Variants in PLCD4 observed in about 807,000 individuals in gnomAD.
PLCD4 encodes the protein phospholipase C delta 4, also known as 1-phosphatidylinositol 4,5-bisphosphate phosphodiesterase delta-4.
Under a neutral mutation model 90.2 loss-of-function variants are expected in PLCD4, and 63 were observed. The observed-to-expected ratio is 0.70, with a 90% CI of 0.57 to 0.86. The LOEUF (loss-of-function observed/expected upper bound fraction) is 0.86. Among genes scored for constraint, PLCD4 ranks in the 40% least tolerant of loss-of-function variants. The pLI is 0.00. For missense variants in PLCD4, 830 were observed against 956.3 expected (o/e 0.87, Z 1.74); for synonymous variants, 294 against 356.5 (o/e 0.82, Z 1.97).
chr2:218,623,776 G>A (rs931905809), intron 6 of PLCD4, among the ~76,000 whole-genome samples: 36 of 152,090 alleles, frequency 2.4e-4, no homozygotes, highest in Admixed American at 4.6e-4. Context: ...TCTGCCTCCC[G>A]GGTTCAAGCA....
chr2:218,619,965 C>G (rs1170316854), intron 4 of PLCD4, among the ~76,000 whole-genome samples: 3 of 152,136 alleles, frequency 2.0e-5, no homozygotes. Context: ...GCAGCCGTGA[C>G]AGCCTGGGCT....
rs756232616 is a variant in PLCD4, at chr2:218,633,910, G to C, written c.1606+149G>C. ...CTCCTTAGAGCAGACAAGGGCAGAG[G>C]AGTTATGAATAGTGGCTCAAGGGTC... On this transcript the variant is annotated intron_variant, in intron 11 of 15. Coordinates refer to ENST00000450993, the MANE Select transcript of PLCD4 (RefSeq NM_032726.4). 4.0e-5 allele frequency: 49 copies of C among 1,213,758 alleles called. No individual in the cohort carries two copies. In the African/African-American group the frequency reaches 6.5e-4, roughly 16 times the overall value. The allele number at this position is 1,213,758 out of a possible 1,614,324, so 75.2% of individuals were successfully genotyped here. A position where few individuals can be genotyped will look rare whatever the true frequency, so the allele number is the denominator to read the frequency against.
chr2:218,633,555 C>G, intron 10 of PLCD4, 50 bp from the exon 11 acceptor site: 2 of 1,585,178 alleles, frequency 1.3e-6, no homozygotes, highest in African/African-American at 1.3e-5. Context: ...ATCTTCTTCT[C>G]TCTCAGACTG....
intron 1 of PLCD4, among the ~76,000 whole-genome samples, chr2:218,612,522 A>C (rs1223594108): frequency 1.3e-5 from 2 of 152,218 alleles, no homozygotes; most frequent in African/African-American, 4.8e-5. Context: ...CGCCTGTAAC[A>C]GCACTTGGAG....
intron 6 of PLCD4, among the ~76,000 whole-genome samples, chr2:218,627,589 T>C (rs1253263631): frequency 4.6e-5 from 7 of 152,122 alleles, no homozygotes; most frequent in Non-Finnish European, 2.9e-5. Context: ...CTGGGCTCAC[T>C]GCAAGCTCTG....
chr2:218,614,741 G>A (rs887307972), intron 1 of PLCD4, among the ~76,000 whole-genome samples: 7 of 151,752 alleles, frequency 4.6e-5, no homozygotes, highest in Non-Finnish European at 8.8e-5. Context: ...GTGAGCCACC[G>A]CACCCAGCCA....
Position 218,621,541 on chromosome 2 carries a change from G to A in PLCD4, c.482G>A (p.Arg161Gln), listed in dbSNP as rs754714559. 66 of 1,613,850 alleles carry A rather than the reference G, an allele frequency of 4.1e-5. 2 individuals are homozygous for A. The highest frequency in any genetic ancestry group is 3.7e-4 in the South Asian group (34 of 91,086). Reference protein sequence around the residue: ...DGKMSFQEVQRLLHLMNVEMD... With the variant: ...DGKMSFQEVQQLLHLMNVEMD... Reference sequence around the variant, plus strand: ...AAGATGAGTTTCCAAGAAGTTCAGCGGTTATTGCACCTAATGAATGTGGAA... The same window carrying A: ...AAGATGAGTTTCCAAGAAGTTCAGCAGTTATTGCACCTAATGAATGTGGAA... Residue 161 changes from arginine (R) to glutamine (Q), a missense_variant, in exon 5 of 16, where the codon CGG becomes CAG. Arg to Gln is a conservative substitution (Grantham distance 43, BLOSUM62 1). Coordinates refer to ENST00000450993, the MANE Select transcript of PLCD4 (RefSeq NM_032726.4).
Position 218,622,799 on chromosome 2 carries a change from C to T in PLCD4, c.693C>T (p.Leu231=), listed in dbSNP as rs1695945311. 1.9e-6 allele frequency: 3 copies of T among 1,613,944 alleles called. No homozygotes were observed. Among genetic ancestry groups the T allele is most frequent in the Non-Finnish European group, 2.5e-6 (3 of 1,179,880 alleles). The change falls in exon 6 of 16, where the codon CTC becomes CTT. Residue 231 remains leucine (L), a synonymous_variant. Coordinates refer to ENST00000450993, the MANE Select transcript of PLCD4 (RefSeq NM_032726.4). ...KLTLLEFLDF[L]QEEQKERDCT... ...CTCTGCTGGAATTTTTGGATTTCCT[C>T]CAAGAGGAGCAGAAGGAGAGAGACT...
At chr2:218,629,146 G>A (rs1179541951) in intron 7 of PLCD4, 1 of 168,096 alleles carries the variant, frequency 5.9e-6, no homozygotes, top group African/African-American at 2.4e-5. Context: ...AGCCTGAGAG[G>A]TCAAGGCTGC....
chr2:218,614,080 C>T (rs930334204), intron 1 of PLCD4, among the ~76,000 whole-genome samples: 2 of 149,814 alleles, frequency 1.3e-5, no homozygotes, highest in Non-Finnish European at 3.0e-5. Flanking sequence ...AGTGCAATGG[C>T]GTAATCTCGG....
In PLCD4 at chr2:218,634,165, GGACA is replaced by G; in HGVS notation, c.1671_1674del (p.Asp558LeufsTer19). 1 of 1,612,794 alleles carries G rather than the reference GGACA, an allele frequency of 6.2e-7. No individual in the cohort carries two copies. Among genetic ancestry groups the G allele is most frequent in the Non-Finnish European group, 8.5e-7 (1 of 1,179,420 alleles). On this transcript the variant is annotated frameshift_variant, in exon 12 of 16. Transcript: ENST00000450993. LOFTEE classifies it high-confidence loss of function. This position sits in a 1 kb window ranked among gnomAD's most constrained non-coding sequence, Gnocchi z 4.0. The stretch of plus-strand genomic sequence containing the variant: ...AGCCGTGTGTATCCCAGCGGCCTGA[GGACA>G]GACTCTTCCAACTACAACCCCCAGG...
intron 5 of PLCD4, chr2:218,622,409 G>A (rs768411577): frequency 2.1e-4 from 73 of 349,124 alleles, no homozygotes; most frequent in African/African-American, 3.4e-4. Context: ...ATGGAAGCAT[G>A]TTTGGATCTA....
At chr2:218,616,424 G>C (rs1296420923) in intron 3 of PLCD4, among the ~76,000 whole-genome samples, 1 of 152,096 alleles carries the variant, frequency 6.6e-6, no homozygotes, top group East Asian at 1.9e-4. Context: ...AAGTAGTTAA[G>C]CTATGGCTGG....
intron 6 of PLCD4, among the ~76,000 whole-genome samples, chr2:218,627,243 G>A (rs1018149235): frequency 9.9e-5 from 15 of 151,348 alleles, no homozygotes; most frequent in Middle Eastern, 3.4e-3. Context: ...CCTGGGAGAC[G>A]GAGTGAGACT....
At chr2:218,624,837 G>A (rs909051504) in intron 6 of PLCD4, among the ~76,000 whole-genome samples, 10 of 151,932 alleles carry the variant, frequency 6.6e-5, no homozygotes, top group Admixed American at 1.3e-4. Flanking sequence ...TAGGCCGGGC[G>A]CTGTGGCTCA....
Position 218,622,264 on chromosome 2 carries a change from A to C in PLCD4, c.541-383A>C, listed in dbSNP as rs754428540. 25 of 158,824 alleles carry C rather than the reference A, an allele frequency of 1.6e-4. 1 individual carries two copies. Among genetic ancestry groups the C allele is most frequent in the Middle Eastern group, 3.2e-3 (1 of 308 alleles). The allele number at this position is 158,824 out of a possible 1,614,324, so 9.8% of individuals were successfully genotyped here. A position where few individuals can be genotyped will look rare whatever the true frequency, so the allele number is the denominator to read the frequency against. ...AGGAGGAGGGATCTTCTGACATTTT[A>C]GGGGCCTTTGGGAGATTTAATTCTT... is the stretch of plus-strand genomic sequence containing the variant. On this transcript the variant is annotated intron_variant, in intron 5 of 15. Transcript: ENST00000450993.
chr2:218,631,780 AGACTCC>A (rs1696383227), intron 9 of PLCD4, among the ~76,000 whole-genome samples: 1 of 150,616 alleles, frequency 6.6e-6, no homozygotes, highest in Non-Finnish European at 1.5e-5. Flanking sequence ...CGACAGTGCG[AGACTCC>A]GTCTCAAAAA....
At chr2:218,629,686 A>G in intron 8 of PLCD4, 23 bp downstream of exon 8, 6 of 1,607,856 alleles carry the variant, frequency 3.7e-6, no homozygotes, top group Non-Finnish European at 5.1e-6. Context: ...GGATGGGGAC[A>G]CTGGTGAGGC....
At chr2:218,608,234 C>T (rs111274966) in intron 1 of PLCD4, among the ~76,000 whole-genome samples, 164 bp downstream of exon 1, 1,952 of 152,306 alleles carry the variant, frequency 0.013, 48 homozygotes, top group African/African-American at 0.045. Context: ...TTCTCTCTAG[C>T]TTATCCTCCT....
Sources: gnomAD v4.1 joint callset for allele counts (sites outside exome capture counted in the v4.1 genomes callset) on GRCh38, gnomAD v4.1.1 for gene constraint, Gnocchi (gnomAD v3.1) non-coding constraint, MANE v1.5 for transcripts, NCBI Gene and HGNC (gene_info 2026-07-23, HGNC 2026-07-21) for gene names.